Variants in MTUS2 observed in about 807,000 individuals in gnomAD.
The protein encoded by MTUS2 is microtubule-associated tumor suppressor candidate 2.
A neutral mutation model predicts 114.1 loss-of-function variants in MTUS2; 40 were observed. The ratio of observed to expected loss-of-function variants is 0.35; its 90% CI spans 0.27 to 0.46. The LOEUF (loss-of-function observed/expected upper bound fraction) is 0.46, where lower values mean the gene tolerates loss of function less well. MTUS2 is among the 20% of genes least tolerant of loss of function. The probability of loss-of-function intolerance (pLI) is 1.00; values close to 1 mark genes in which losing one functional copy is unlikely to be tolerated. For missense variants in MTUS2, 1,679 were observed against 1,705.4 expected (o/e 0.98, Z 0.27); for synonymous variants, 688 against 672.0 (o/e 1.02, Z -0.37).
At chr13:29,172,327 CAA>C (rs1214564177) in intron 5 of MTUS2, among the ~76,000 whole-genome samples, 2 of 152,116 alleles carry the variant, frequency 1.3e-5, no homozygotes, top group African/African-American at 4.8e-5. Context: ...AGTGGGTTGT[CAA>C]AACAAGACTA....
intron 5 of MTUS2, among the ~76,000 whole-genome samples, chr13:29,175,436 C>G (rs1323926551): frequency 1.3e-5 from 2 of 152,174 alleles, no homozygotes; most frequent in Admixed American, 1.3e-4. Flanking sequence ...TAACAATACT[C>G]CATTGCAATA....
intron 4 of MTUS2, among the ~76,000 whole-genome samples, chr13:29,035,076 AGGCT>A (rs1409224309): frequency 2.0e-5 from 3 of 152,134 alleles, no homozygotes; most frequent in Admixed American, 2.0e-4. Flanking sequence ...AATTCTTCTG[AGGCT>A]GGCTCATTCA....
At chr13:29,060,688 A>G (rs1888374662) in intron 4 of MTUS2, among the ~76,000 whole-genome samples, 1 of 151,336 alleles carries the variant, frequency 6.6e-6, no homozygotes, top group African/African-American at 2.4e-5. Context: ...GACTATTTAC[A>G]TTTAATGAAA....
At chr13:28,836,570 A>T (rs1743097332) in intron 1 of MTUS2, among the ~76,000 whole-genome samples, 2 of 152,322 alleles carry the variant, frequency 1.3e-5, no homozygotes, top group South Asian at 4.1e-4. Context: ...GACCCAAGGA[A>T]GGGAGTGGTC....
chr13:29,359,717 G>T (rs1388376562), intron 8 of MTUS2, among the ~76,000 whole-genome samples: 1 of 152,130 alleles, frequency 6.6e-6, no homozygotes, highest in Non-Finnish European at 1.5e-5. Flanking sequence ...TCCAAAATAC[G>T]AAATTATGTA....
At chr13:29,417,490 T>C (rs909441442) in intron 8 of MTUS2, among the ~76,000 whole-genome samples, 2 of 152,218 alleles carry the variant, frequency 1.3e-5, no homozygotes, top group African/African-American at 4.8e-5. Context: ...TGACCTTTGG[T>C]ATTCTTTTAT....
chr13:29,083,673 T>C (rs1228204706), intron 4 of MTUS2, among the ~76,000 whole-genome samples: 1 of 152,164 alleles, frequency 6.6e-6, no homozygotes, highest in African/African-American at 2.4e-5. Context: ...CAGGCCAAAT[T>C]GAGTTCTTAT....
intron 5 of MTUS2, among the ~76,000 whole-genome samples, chr13:29,157,821 T>C (rs1469463063): frequency 2.7e-5 from 3 of 111,536 alleles, no homozygotes; most frequent in Non-Finnish European, 6.8e-5. Flanking sequence ...GATATAGATG[T>C]AGATATAGAT....
At chr13:28,938,972 C>T (rs1882075627) in intron 2 of MTUS2, among the ~76,000 whole-genome samples, 1 of 152,198 alleles carries the variant, frequency 6.6e-6, no homozygotes, top group African/African-American at 2.4e-5. Flanking sequence ...CAGATTTCTA[C>T]ACTTGTAATT....
intron 5 of MTUS2, among the ~76,000 whole-genome samples, chr13:29,273,133 G>A (rs1046787540): frequency 6.6e-6 from 1 of 152,178 alleles, no homozygotes; most frequent in East Asian, 1.9e-4. Flanking sequence ...AATGTTGGAG[G>A]AGACACATTC....
Position 29,429,043 on chromosome 13 carries a change from T to C in MTUS2, c.3118-10940T>C, listed in dbSNP as rs1208041613. On this transcript the variant is annotated intron_variant, in intron 8 of 15. Transcript: ENST00000612955. Reference sequence around the variant, plus strand: ...GAGGCTCCCTTTACTCGTTCCAATGTGCTGAATTGTGAGTGGTGTTCACAG... The same window carrying C: ...GAGGCTCCCTTTACTCGTTCCAATGCGCTGAATTGTGAGTGGTGTTCACAG... 3 of 757,068 alleles carry C rather than the reference T, an allele frequency of 4.0e-6. No individual in the cohort carries two copies. The Admixed American group carries it at 7.0e-5, about 18-fold the overall frequency. The allele number at this position is 757,068 out of a possible 1,614,324, so 46.9% of individuals were successfully genotyped here. A position where few individuals can be genotyped will look rare whatever the true frequency, so the allele number is the denominator to read the frequency against.
intron 5 of MTUS2, among the ~76,000 whole-genome samples, chr13:29,145,698 G>A (rs1312857711): frequency 2.0e-5 from 3 of 150,248 alleles, no homozygotes; most frequent in Admixed American, 2.0e-4. Context: ...AATCTTCTAA[G>A]ATTCCCAGAA....
intron 5 of MTUS2, among the ~76,000 whole-genome samples, chr13:29,201,490 G>A (rs1017748342): frequency 1.3e-5 from 2 of 152,064 alleles, no homozygotes; most frequent in Non-Finnish European, 2.9e-5. Context: ...TTTAATTGGG[G>A]CATTTAGCCC....
chr13:29,474,809 G>T (rs139157928), intron 9 of MTUS2, among the ~76,000 whole-genome samples: 3 of 152,040 alleles, frequency 2.0e-5, no homozygotes, highest in Non-Finnish European at 4.4e-5. Flanking sequence ...TGAAATTATT[G>T]TATTAAAAGA....
intron 6 of MTUS2, among the ~76,000 whole-genome samples, chr13:29,319,873 A>G (rs1190124107): frequency 6.6e-6 from 1 of 151,972 alleles, no homozygotes; most frequent in African/African-American, 2.4e-5. Context: ...ATAAGGAAAA[A>G]CTTCATAAAT....
chr13:29,037,124 G>A (rs1479863934), intron 4 of MTUS2, among the ~76,000 whole-genome samples: 2 of 152,158 alleles, frequency 1.3e-5, no homozygotes, highest in East Asian at 1.9e-4. Context: ...TTACAATTTG[G>A]TATGTTTTTG....
chr13:29,262,426 A>G (rs1351135422), intron 5 of MTUS2, among the ~76,000 whole-genome samples: 1 of 152,112 alleles, frequency 6.6e-6, no homozygotes, highest in Non-Finnish European at 1.5e-5. Flanking sequence ...AAGAAATAAG[A>G]AAGATGACTC....
At chr13:29,036,585 C>G (rs995429009) in intron 4 of MTUS2, among the ~76,000 whole-genome samples, 2 of 152,186 alleles carry the variant, frequency 1.3e-5, no homozygotes, top group Non-Finnish European at 2.9e-5. Context: ...TCTCGTTGAT[C>G]TGTCTAATAT....
chr13:28,885,704 A>G (rs1049118846), intron 2 of MTUS2, among the ~76,000 whole-genome samples: 11 of 152,346 alleles, frequency 7.2e-5, no homozygotes, highest in African/African-American at 2.4e-4. Flanking sequence ...TGAATATTCA[A>G]CACTATTTCT....
Sources: gnomAD v4.1 joint callset for allele counts (sites outside exome capture counted in the v4.1 genomes callset) on GRCh38, gnomAD v4.1.1 for gene constraint, MANE v1.5 for transcripts, NCBI Gene and HGNC (gene_info 2026-07-23, HGNC 2026-07-21) for gene names.